The following PRRC2C variants were observed in gnomAD, a reference collection of about 807,000 sequenced individuals.
PRRC2C encodes proline rich coiled-coil 2C, also known as protein PRRC2C.
In PRRC2C, 72 loss-of-function variants were observed where a neutral mutation model predicts 317.2. The ratio of observed to expected loss-of-function variants is 0.23; its 90% CI spans 0.19 to 0.28. The LOEUF is 0.28. PRRC2C is among the 10% of genes least tolerant of loss of function. The probability of loss-of-function intolerance (pLI) is 1.00; values close to 1 mark genes in which losing one functional copy is unlikely to be tolerated. For synonymous variants in PRRC2C, 1,296 were observed against 1,205.9 expected, an observed-to-expected ratio of 1.07 and a Z score of -1.55; for missense variants, 3,074 against 3,459.7, an observed-to-expected ratio of 0.89 and a Z score of 2.80.
At chr1:171,569,201 G>A (rs1684241747) in intron 23 of PRRC2C, among the ~76,000 whole-genome samples, 1 of 152,036 alleles carries the variant, frequency 6.6e-6, no homozygotes, top group Non-Finnish European at 1.5e-5. Flanking sequence ...AAGGCTATCA[G>A]ACTAAAATGT....
intron 18 of PRRC2C, among the ~76,000 whole-genome samples, chr1:171,552,517 G>C (rs1680469734): frequency 6.6e-6 from 1 of 152,200 alleles, no homozygotes; most frequent in African/African-American, 2.4e-5. Context: ...GGAGTGTTAA[G>C]AGAGGGCATC....
chr1:171,581,241 T>C (rs1036522694), intron 28 of PRRC2C, among the ~76,000 whole-genome samples: 3 of 152,346 alleles, frequency 2.0e-5, no homozygotes, highest in African/African-American at 7.2e-5. Flanking sequence ...TCTTGGAATT[T>C]ATATTAAAAA....
chr1:171,515,665 C>G (rs1672225462), intron 4 of PRRC2C, 69 bp from the exon 5 acceptor site: 1 of 1,281,124 alleles, frequency 7.8e-7, no homozygotes, highest in Non-Finnish European at 1.1e-6. Flanking sequence ...GAGCTCTATC[C>G]TGGGAGGGTG....
In PRRC2C at chr1:171,541,990, T is replaced by C. The variant is rs1557961267; in HGVS notation, c.4524T>C (p.Asn1508=). 1 of 1,613,518 alleles carries C rather than the reference T, an allele frequency of 6.2e-7. No individual in the cohort carries two copies. Residue 1508 remains asparagine (N), a synonymous_variant, in exon 16 of 35, where the codon AAT becomes AAC. Coordinates refer to ENST00000647382, the MANE Select transcript of PRRC2C (RefSeq NM_001387844.1). This position sits in a 1 kb window ranked among gnomAD's most constrained non-coding sequence, Gnocchi z 4.1. The part of the protein sequence containing the change: ...WETASESSDF[N]ERRERDEKKN... ...CAGCTTCTGAAAGCAGTGATTTCAA[T>C]GAGAGGCGAGAGAGGGATGAAAAAA...
intron 15 of PRRC2C, among the ~76,000 whole-genome samples, chr1:171,539,691 T>C (rs1677590645): frequency 6.6e-6 from 1 of 152,230 alleles, no homozygotes; most frequent in African/African-American, 2.4e-5. Context: ...ATCCATGTTG[T>C]AGCATATGAC....
At position 171,514,615 on chromosome 1, in the gene PRRC2C, G is replaced by T. The variant is rs369009561; in HGVS notation, c.370G>T (p.Ala124Ser). The stretch of plus-strand genomic sequence containing the variant: ...AGTAGCACCTGCTCCCAAATCATGG[G>T]CCAGTAACAAGCAAGGTGGGCAAGG... ...PEVAPAPKSW[A>S]SNKQGGQGDG... Residue 124 changes from alanine (A) to serine (S), a missense_variant, in exon 4 of 35, where the codon GCC (alanine) becomes TCC (serine). Transcript: ENST00000647382. 1 of 1,559,066 alleles carries T rather than the reference G, an allele frequency of 6.4e-7. No individual in the cohort carries two copies. The highest frequency in any genetic ancestry group is 1.2e-5 in the South Asian group (1 of 84,330).
In PRRC2C at chr1:171,566,289, T is replaced by A. The variant is rs758656441; in HGVS notation, c.6174T>A (p.Phe2058Leu). 2 of 1,611,390 alleles carry A rather than the reference T, an allele frequency of 1.2e-6. No homozygotes were observed. Among genetic ancestry groups the A allele is most frequent in the East Asian group, 4.5e-5 (2 of 44,828 alleles). ...GLEIGTDTIQ[F>L]GAPASNGNEN... ...AAATTGGAACTGACACAATTCAGTT[T>A]GGTGCTCCAGCCTCAAATGGAAATG... Residue 2058 changes from phenylalanine to leucine, a missense_variant, in exon 21 of 35, where the codon TTT becomes TTA. Coordinates refer to ENST00000647382, the MANE Select transcript of PRRC2C (RefSeq NM_001387844.1).
Position 171,588,590 on chromosome 1 carries a change from C to T in PRRC2C, c.8199+85C>T, listed in dbSNP as rs1650595284. 6 of 1,403,408 alleles carry T rather than the reference C, an allele frequency of 4.3e-6. No individual in the cohort carries two copies. In the South Asian group the frequency reaches 7.7e-5, roughly 18 times the overall value. 86.9% of individuals were successfully genotyped at this position (1,403,408 alleles called of 1,614,324 possible). On this transcript the variant is annotated intron_variant, in intron 33 of 34. Coordinates refer to ENST00000647382, the MANE Select transcript of PRRC2C (RefSeq NM_001387844.1). ...AAATTATTATCTTGCCTTATGTTAA[C>T]CAGTTAAGAAGTACAGTTTTTAATA...
At chr1:171,556,540 T>C (rs1681454665) in intron 18 of PRRC2C, among the ~76,000 whole-genome samples, 1 of 152,244 alleles carries the variant, frequency 6.6e-6, no homozygotes, top group Non-Finnish European at 1.5e-5. Context: ...GAGCTGTTCC[T>C]ATTCAGCTGT....
intron 25 of PRRC2C, 49 bp downstream of exon 25, chr1:171,575,177 T>A (rs1328619658): frequency 1.4e-6 from 2 of 1,459,992 alleles, no homozygotes; most frequent in South Asian, 1.3e-5. Context: ...TTATTTAAAA[T>A]TTTTTATGAT....
intron 1 of PRRC2C, among the ~76,000 whole-genome samples, chr1:171,486,673 C>T (rs374216761): frequency 7.2e-5 from 11 of 152,238 alleles, no homozygotes; most frequent in African/African-American, 2.6e-4. Flanking sequence ...TAGATTCATA[C>T]CTCGTTAGAG....
intron 11 of PRRC2C, among the ~76,000 whole-genome samples, chr1:171,530,411 TTTTTTTGTA>T (rs1675596273): frequency 6.6e-6 from 1 of 151,650 alleles, no homozygotes; most frequent in Non-Finnish European, 1.5e-5. Flanking sequence ...GCCCGGCTAA[TTTTTTTGTA>T]TTTTTTGTAG....
chr1:171,555,777 A>G (rs1420740780), intron 18 of PRRC2C, among the ~76,000 whole-genome samples: 1 of 152,232 alleles, frequency 6.6e-6, no homozygotes, highest in East Asian at 1.9e-4. Flanking sequence ...GGGTATCACC[A>G]GCAGAGGCTG....
intron 24 of PRRC2C, 139 bp downstream of exon 24, chr1:171,571,560 T>A: frequency 4.6e-6 from 3 of 654,540 alleles, no homozygotes; most frequent in Non-Finnish European, 8.0e-6. Context: ...TGCTGTCAAA[T>A]TATACCTTAC....
intron 24 of PRRC2C, 67 bp from the exon 25 acceptor site, chr1:171,574,860 T>A (rs528852636): frequency 7.5e-7 from 1 of 1,336,436 alleles, no homozygotes; most frequent in African/African-American, 1.5e-5. Flanking sequence ...TACTGATACA[T>A]GTATATACAT....
intron 2 of PRRC2C, chr1:171,512,778 T>C (rs1671622767): frequency 9.4e-6 from 4 of 425,066 alleles, no homozygotes; most frequent in Non-Finnish European, 1.6e-5. Flanking sequence ...CATTGTTAAA[T>C]TTTTTAAGGA....
chr1:171,550,737 A>G (rs867254607), intron 18 of PRRC2C, among the ~76,000 whole-genome samples: 11 of 150,932 alleles, frequency 7.3e-5, no homozygotes, highest in African/African-American at 2.7e-4. Context: ...CTGTCCTTGC[A>G]ATAGTTTGCT....
At chr1:171,534,097 A>G (rs1676372012) in intron 12 of PRRC2C, among the ~76,000 whole-genome samples, 2 of 152,340 alleles carry the variant, frequency 1.3e-5, no homozygotes, top group African/African-American at 4.8e-5. Flanking sequence ...GTTTTTATTT[A>G]TATGCAGGGT....
chr1:171,538,998 T>G (rs1677385501), intron 15 of PRRC2C, among the ~76,000 whole-genome samples: 1 of 144,934 alleles, frequency 6.9e-6, no homozygotes, highest in Non-Finnish European at 1.5e-5. Context: ...GAGCCACCGC[T>G]TCAGGCCCAT....
Sources: gnomAD v4.1 joint callset for allele counts (sites outside exome capture counted in the v4.1 genomes callset) on GRCh38, gnomAD v4.1.1 for gene constraint, Gnocchi (gnomAD v3.1) non-coding constraint, MANE v1.5 for transcripts, NCBI Gene and HGNC (gene_info 2026-07-23, HGNC 2026-07-21) for gene names.